Variants in THSD4 observed in about 807,000 individuals in gnomAD.
THSD4 encodes the protein thrombospondin type-1 domain-containing protein 4.
Under a neutral mutation model 119.0 loss-of-function variants are expected in THSD4, and 69 were observed. The observed-to-expected ratio is 0.58, with a 90% CI of 0.48 to 0.71. THSD4 has a LOEUF of 0.71. Ranked by LOEUF, THSD4 falls within the 30% of genes least tolerant of loss-of-function variation. The probability of loss-of-function intolerance (pLI) is 0.00; values close to 1 mark genes in which losing one functional copy is unlikely to be tolerated. For synonymous variants in THSD4, 524 were observed against 540.4 expected (o/e 0.97, Z 0.42); for missense variants, 1,393 against 1,391.1 (o/e 1.00, Z -0.02).
intron 6 of THSD4, among the ~76,000 whole-genome samples, chr15:71,347,854 T>G (rs1566949499): frequency 6.6e-6 from 1 of 152,170 alleles, no homozygotes; most frequent in Non-Finnish European, 1.5e-5. Context: ...ACTTAATTTT[T>G]CAGTGTTCAG....
chr15:71,765,548 T>C (rs2053701148), intron 16 of THSD4, among the ~76,000 whole-genome samples: 1 of 152,216 alleles, frequency 6.6e-6, no homozygotes, highest in Admixed American at 6.5e-5. Context: ...GAGTTGTCTT[T>C]GTACTGCATT....
At chr15:71,127,841 G>T (rs1384466150) in intron 1 of THSD4, among the ~76,000 whole-genome samples, 1 of 152,080 alleles carries the variant, frequency 6.6e-6, no homozygotes, top group East Asian at 1.9e-4. Context: ...TTGGCTTTCA[G>T]ATATTTTCTC....
intron 6 of THSD4, among the ~76,000 whole-genome samples, chr15:71,401,672 A>G (rs548505229): frequency 6.6e-6 from 1 of 152,382 alleles, no homozygotes; most frequent in East Asian, 1.9e-4. Context: ...AACTAGTTCA[A>G]TCATTGTGGA....
intron 7 of THSD4, among the ~76,000 whole-genome samples, chr15:71,440,978 G>A (rs2047080071): frequency 6.6e-6 from 1 of 152,042 alleles, no homozygotes; most frequent in Admixed American, 6.5e-5. Context: ...GTCCTTCTTT[G>A]GCTCTTCTCA....
At chr15:71,655,720 A>G (rs2051176967) in intron 7 of THSD4, among the ~76,000 whole-genome samples, 1 of 152,238 alleles carries the variant, frequency 6.6e-6, no homozygotes, top group Non-Finnish European at 1.5e-5. Flanking sequence ...CAGCAGAGAC[A>G]GCACAAGAAC....
intron 8 of THSD4, among the ~76,000 whole-genome samples, chr15:71,666,664 GACTTACTAAA>G (rs1373037038): frequency 3.3e-5 from 5 of 152,148 alleles, no homozygotes; most frequent in Admixed American, 6.5e-5. Context: ...AAATGCTTTA[GACTTACTAAA>G]ACTTACTGAA....
At chr15:71,453,040 T>C (rs2047287526) in intron 7 of THSD4, among the ~76,000 whole-genome samples, 2 of 152,308 alleles carry the variant, frequency 1.3e-5, no homozygotes, top group East Asian at 1.9e-4. Context: ...GGAAAGGCCA[T>C]GTGAGGACAC....
chr15:71,463,087 A>G (rs2047449033), intron 7 of THSD4, among the ~76,000 whole-genome samples: 2 of 152,194 alleles, frequency 1.3e-5, no homozygotes, highest in Admixed American at 6.5e-5. Flanking sequence ...TCCCAATCCT[A>G]TATTCATGTC....
intron 7 of THSD4, among the ~76,000 whole-genome samples, chr15:71,567,533 G>C (rs1277940439): frequency 6.6e-6 from 1 of 151,858 alleles, no homozygotes; most frequent in African/African-American, 2.4e-5. Context: ...TGTTAGTTGA[G>C]TACCGCTATA....
intron 10 of THSD4, among the ~76,000 whole-genome samples, chr15:71,735,624 TTC>T (rs1456096779): frequency 1.5e-5 from 2 of 136,190 alleles, no homozygotes; most frequent in Non-Finnish European, 3.2e-5. Flanking sequence ...TGCTCTCTGT[TTC>T]TCTCTCTTGC....
At chr15:71,332,029 A>G (rs56379569) in intron 6 of THSD4, among the ~76,000 whole-genome samples, 42,152 of 152,086 alleles carry the variant, frequency 0.28, 6,654 homozygotes, top group African/African-American at 0.43. Flanking sequence ...GAAGGAAAGA[A>G]GAAGGGGCAG....
chr15:71,464,008 G>C (rs1254060397), intron 7 of THSD4, among the ~76,000 whole-genome samples: 1 of 152,152 alleles, frequency 6.6e-6, no homozygotes, highest in Non-Finnish European at 1.5e-5. Context: ...TCTATAACAG[G>C]CTCTTCTGGT....
intron 7 of THSD4, among the ~76,000 whole-genome samples, chr15:71,421,179 A>AAAC (rs2046802382): frequency 1.0e-5 from 1 of 98,272 alleles, no homozygotes; most frequent in Non-Finnish European, 2.2e-5. Context: ...AAAAAAAAAA[A>AAAC]AAAAAAAAAG....
chr15:71,762,581 C>T (rs911489912), intron 15 of THSD4, among the ~76,000 whole-genome samples: 1 of 152,162 alleles, frequency 6.6e-6, no homozygotes, highest in Non-Finnish European at 1.5e-5. Context: ...TCCACCCCTG[C>T]CGCCCACCCC....
chr15:71,333,216 G>A (rs1211689737), intron 6 of THSD4, among the ~76,000 whole-genome samples: 1 of 152,146 alleles, frequency 6.6e-6, no homozygotes, highest in African/African-American at 2.4e-5. Context: ...CAGCCCAAGA[G>A]TGTGAGCTTC....
chr15:71,614,206 G>T (rs2050282987), intron 7 of THSD4, among the ~76,000 whole-genome samples: 1 of 152,162 alleles, frequency 6.6e-6, no homozygotes. Flanking sequence ...ACCTTTGTTT[G>T]GGAAGAATTC....
Position 71,419,399 on chromosome 15 carries a change from C to T in THSD4, c.1152+7576C>T, listed in dbSNP as rs1033331026. ...AAATTTTTGTAGAGATGGGATCTCG[C>T]TATGATGCCTAGGCTGGTCTTGAAC... On this transcript the variant is annotated intron_variant, in intron 7 of 17. Transcript: ENST00000261862. Among the ~76,000 whole-genome samples the T allele has an allele frequency of 2.8e-5, 3 of 106,258 alleles. 1 individual carries two copies. Among genetic ancestry groups the T allele is most frequent in the Non-Finnish European group, 6.1e-5 (3 of 48,784 alleles). The allele number at this position is 106,258 out of a possible 152,430, so 69.7% of individuals were successfully genotyped here. A position where few individuals can be genotyped will look rare whatever the true frequency, so the allele number is the denominator to read the frequency against.
At chr15:71,611,342 C>A (rs1333957182) in intron 7 of THSD4, among the ~76,000 whole-genome samples, 6 of 152,182 alleles carry the variant, frequency 3.9e-5, no homozygotes. Context: ...AAAAATAATG[C>A]CATTTTCCTT....
In THSD4 at chr15:71,745,160, C is replaced by T. The variant is rs764553938; in HGVS notation, c.1961C>T (p.Pro654Leu). The T allele has an allele frequency of 1.7e-5, 27 of 1,612,810 alleles. No homozygotes were observed. In the East Asian group the frequency reaches 5.6e-4, roughly 33 times the overall value. Reference protein sequence around the residue: ...CVHRSTHEEAPESYCDSSMKP... With the variant: ...CVHRSTHEEALESYCDSSMKP... ...CACAGAAGCACTCATGAAGAGGCTC[C>T]TGAGAGTTACTGTGACTCCAGCATG... Residue 654 changes from proline (P) to leucine (L), a missense_variant, in exon 12 of 18, where the codon CCT becomes CTT. Coordinates refer to ENST00000261862, the MANE Select transcript of THSD4 (RefSeq NM_024817.3).
Sources: allele counts gnomAD v4.1 joint callset (sites outside exome capture counted in the v4.1 genomes callset), GRCh38; gene constraint gnomAD v4.1.1; transcripts MANE v1.5; gene names NCBI Gene and HGNC (gene_info 2026-07-23, HGNC 2026-07-21).